Variants in MACROD2 observed in about 807,000 individuals in gnomAD.
MACROD2 encodes the protein ADP-ribose glycohydrolase MACROD2.
Under a neutral mutation model 70.4 loss-of-function variants are expected in MACROD2, and 36 were observed. The ratio of observed to expected loss-of-function variants is 0.51; its 90% CI spans 0.39 to 0.68. MACROD2 has a LOEUF of 0.68. MACROD2 is among the 30% of genes least tolerant of loss of function. MACROD2 has a pLI of 0.00. For synonymous variants in MACROD2, 172 were observed against 178.8 expected (o/e 0.96, Z 0.30); for missense variants, 496 against 538.4 (o/e 0.92, Z 0.78).
chr20:15,425,085 T>C (rs568681691), intron 6 of MACROD2, among the ~76,000 whole-genome samples: 6 of 152,286 alleles, frequency 3.9e-5, no homozygotes, highest in Admixed American at 1.3e-4. Context: ...GGAAGAAAAG[T>C]GCAGAGCCAA....
At chr20:14,414,258 G>A (rs1204860201) in intron 3 of MACROD2, among the ~76,000 whole-genome samples, 4 of 152,094 alleles carry the variant, frequency 2.6e-5, no homozygotes, top group East Asian at 3.8e-4. Flanking sequence ...TGCTTGTCCT[G>A]TATTCGTCTC....
chr20:14,011,749 T>G (rs1203368288), intron 2 of MACROD2, among the ~76,000 whole-genome samples: 1 of 152,130 alleles, frequency 6.6e-6, no homozygotes, highest in Non-Finnish European at 1.5e-5. Context: ...CAGGATGGTC[T>G]TGATCTCCTG....
At chr20:14,923,319 A>G (rs555458130) in intron 5 of MACROD2, among the ~76,000 whole-genome samples, 1 of 152,308 alleles carries the variant, frequency 6.6e-6, no homozygotes, top group South Asian at 2.1e-4. Context: ...ACAAATTTGT[A>G]TCTCCAGCCC....
intron 3 of MACROD2, among the ~76,000 whole-genome samples, chr20:14,432,334 C>A (rs552477075): frequency 2.0e-5 from 3 of 152,068 alleles, no homozygotes; most frequent in African/African-American, 7.2e-5. Flanking sequence ...TATATTACTA[C>A]CTGGTCTGTT....
chr20:15,527,830 CT>C (rs1233191665), intron 8 of MACROD2, among the ~76,000 whole-genome samples: 1 of 152,192 alleles, frequency 6.6e-6, no homozygotes, highest in Non-Finnish European at 1.5e-5. Flanking sequence ...TTCCAAATCC[CT>C]TTTTCTTCTC....
At chr20:15,220,256 G>A (rs943822029) in intron 5 of MACROD2, among the ~76,000 whole-genome samples, 1 of 152,064 alleles carries the variant, frequency 6.6e-6, no homozygotes, top group Non-Finnish European at 1.5e-5. Context: ...CTCTAATCTG[G>A]TACATCATTC....
chr20:15,940,630 A>G (rs2065738170), intron 12 of MACROD2, among the ~76,000 whole-genome samples: 1 of 152,204 alleles, frequency 6.6e-6, no homozygotes, highest in Non-Finnish European at 1.5e-5. Flanking sequence ...ACCAGGAGAA[A>G]GATTACAAGT....
chr20:15,966,693 G>A (rs1302546587), intron 12 of MACROD2, among the ~76,000 whole-genome samples: 1 of 152,148 alleles, frequency 6.6e-6, no homozygotes, highest in East Asian at 1.9e-4. Flanking sequence ...AGCGAGCTAC[G>A]GTTGCAGCAC....
At chr20:15,420,594 C>A (rs183191613) in intron 6 of MACROD2, among the ~76,000 whole-genome samples, 11 of 121,782 alleles carry the variant, frequency 9.0e-5, no homozygotes, top group Non-Finnish European at 2.0e-4. Context: ...TTCACCCATG[C>A]GATGGGGAAA....
intron 6 of MACROD2, among the ~76,000 whole-genome samples, chr20:15,325,367 C>T (rs2077917571): frequency 6.6e-6 from 1 of 152,156 alleles, no homozygotes; most frequent in Non-Finnish European, 1.5e-5. Flanking sequence ...AAGCTTGAAA[C>T]ACATCTGTGT....
At chr20:14,156,072 G>T (rs2055097933) in intron 3 of MACROD2, among the ~76,000 whole-genome samples, 3 of 152,118 alleles carry the variant, frequency 2.0e-5, no homozygotes, top group Non-Finnish European at 4.4e-5. Flanking sequence ...TGAGGCAGGA[G>T]GATTGCTTCA....
At chr20:14,000,690 T>TA (rs1370938351) in intron 1 of MACROD2, among the ~76,000 whole-genome samples, 1 of 152,220 alleles carries the variant, frequency 6.6e-6, no homozygotes, top group Non-Finnish European at 1.5e-5. Context: ...TATTGGTAAA[T>TA]ATTTCTTCCT....
At chr20:15,017,329 A>C (rs913696638) in intron 5 of MACROD2, among the ~76,000 whole-genome samples, 4 of 152,192 alleles carry the variant, frequency 2.6e-5, no homozygotes, top group African/African-American at 7.2e-5. Flanking sequence ...TTAACTCCAT[A>C]TCTCACATCC....
At chr20:15,312,578 C>T (rs922032482) in intron 6 of MACROD2, among the ~76,000 whole-genome samples, 13 of 151,952 alleles carry the variant, frequency 8.6e-5, no homozygotes, top group Non-Finnish European at 2.9e-5. Context: ...ATATACAGAA[C>T]CGTGTATATA....
intron 3 of MACROD2, among the ~76,000 whole-genome samples, chr20:14,428,655 T>C (rs181092057): frequency 6.6e-6 from 1 of 152,152 alleles, no homozygotes; most frequent in Non-Finnish European, 1.5e-5. Flanking sequence ...AGCAGTGTTA[T>C]CTTTGAAATT....
At chr20:15,137,838 G>A (rs2076162256) in intron 5 of MACROD2, among the ~76,000 whole-genome samples, 1 of 152,036 alleles carries the variant, frequency 6.6e-6, no homozygotes, top group Non-Finnish European at 1.5e-5. Context: ...GAAGGAAACA[G>A]AAGTAAAATT....
intron 5 of MACROD2, among the ~76,000 whole-genome samples, chr20:15,226,833 G>A (rs774343365): frequency 6.6e-6 from 1 of 151,894 alleles, no homozygotes; most frequent in Non-Finnish European, 1.5e-5. Context: ...AAGGAAAAAG[G>A]CAAGCACCAC....
chr20:14,123,474 C>G (rs1569168546), intron 3 of MACROD2, among the ~76,000 whole-genome samples: 1 of 152,108 alleles, frequency 6.6e-6, no homozygotes, highest in East Asian at 1.9e-4. Flanking sequence ...CAACTAAGAC[C>G]CCAGCTCCAT....
chr20:14,237,363 C>CA (rs1350539323), intron 3 of MACROD2, among the ~76,000 whole-genome samples: 1 of 151,820 alleles, frequency 6.6e-6, no homozygotes, highest in Non-Finnish European at 1.5e-5. Context: ...TGCACATTCT[C>CA]TTTTTTTCCT....
Sources: gnomAD v4.1 joint callset for allele counts (sites outside exome capture counted in the v4.1 genomes callset) on GRCh38, gnomAD v4.1.1 for gene constraint, MANE v1.5 for transcripts, NCBI Gene and HGNC (gene_info 2026-07-23, HGNC 2026-07-21) for gene names.